The following TNS1 variants were observed in gnomAD, a reference collection of about 807,000 sequenced individuals.
TNS1 encodes the protein tensin-1.
Under a neutral mutation model 168.6 loss-of-function variants are expected in TNS1, and 62 were observed. That is an observed-to-expected ratio of 0.37 (90% CI 0.30 to 0.45). The LOEUF (loss-of-function observed/expected upper bound fraction) is 0.45. Among genes scored for constraint, TNS1 ranks in the 20% least tolerant of loss-of-function variants. The pLI, the probability that TNS1 is intolerant of heterozygous loss-of-function variation, is 1.00. For missense variants in TNS1, 2,240 were observed against 2,339.4 expected, an observed-to-expected ratio of 0.96 and a Z score of 0.88; for synonymous variants, 934 against 933.2, an observed-to-expected ratio of 1.00 and a Z score of -0.02.
intron 1 of TNS1, among the ~76,000 whole-genome samples, chr2:218,031,473 ATGAG>A (rs1400862467): frequency 1.4e-5 from 2 of 145,318 alleles, no homozygotes; most frequent in Admixed American, 1.4e-4. Flanking sequence ...GTGTGAGTGT[ATGAG>A]TGTGTGTTGT....
rs780304590 is a variant in TNS1, at chr2:217,848,495, G to A, written c.2022C>T (p.Pro674=). The change falls in exon 19 of 33, where the codon CCC becomes CCT. Residue 674 remains proline (P), a synonymous_variant. Transcript: ENST00000682258. ...PLTNGLDKSY[P]MEPMVNGGGY... ...CTCCTCCATTGACCATAGGCTCCATGGGGTAGGACTTGTCCAGACCGTTGG... is the reference window on the plus strand; with the variant it reads ...CTCCTCCATTGACCATAGGCTCCATAGGGTAGGACTTGTCCAGACCGTTGG... 1 of 1,613,160 alleles carries A rather than the reference G, an allele frequency of 6.2e-7. No homozygotes were observed.
At chr2:217,960,056 G>A (rs907947160) in intron 3 of TNS1, among the ~76,000 whole-genome samples, 3 of 151,998 alleles carry the variant, frequency 2.0e-5, no homozygotes, top group Non-Finnish European at 4.4e-5. Flanking sequence ...CTCTCAGTAG[G>A]GCCACCGCTG....
chr2:217,896,384 C>T (rs575222611), intron 8 of TNS1, among the ~76,000 whole-genome samples: 3 of 152,288 alleles, frequency 2.0e-5, no homozygotes, highest in South Asian at 4.1e-4. Context: ...ATGACATCAA[C>T]CTGGATCTAG....
intron 19 of TNS1, among the ~76,000 whole-genome samples, chr2:217,843,875 C>T (rs547388988): frequency 3.3e-5 from 5 of 152,294 alleles, no homozygotes; most frequent in Admixed American, 2.6e-4. Context: ...AAGCTTTAAC[C>T]ATCACCTTTG....
In TNS1 at chr2:217,848,213, C is replaced by T. The variant is rs3796032; in HGVS notation, c.2304G>A (p.Val768=). 0.34 allele frequency: 538,955 copies of T among 1,593,258 alleles called. 95,405 individuals carry two copies. Among genetic ancestry groups the T allele is most frequent in the African/African-American group, 0.59 (43,881 of 74,416 alleles). The part of the protein sequence containing the change: ...PVRGGSSREA[V]QRGLNSWQQQ... ...GCTGCCACGAATTCAGTCCCCTTTG[C>T]ACAGCCTCCCGGCTGCTTCCCCCTC... The change falls in exon 19 of 33, where the codon GTG becomes GTA. Residue 768 remains valine (V), a synonymous_variant. Transcript: ENST00000682258.
intron 21 of TNS1, among the ~76,000 whole-genome samples, chr2:217,832,243 C>T (rs1389614791): frequency 3.3e-5 from 5 of 152,220 alleles, no homozygotes; most frequent in African/African-American, 4.8e-5. Context: ...GCCAAGAGCA[C>T]CCACTCCCTA....
chr2:217,805,522 A>ACATAC (rs1938558012), intron 32 of TNS1, among the ~76,000 whole-genome samples: 6 of 3,110 alleles, frequency 1.9e-3, no homozygotes, highest in Admixed American at 5.4e-3. Flanking sequence ...CACACCACAC[A>ACATAC]CACCACACAC....
At chr2:217,965,779 C>T (rs1385837209) in intron 3 of TNS1, among the ~76,000 whole-genome samples, 4 of 152,188 alleles carry the variant, frequency 2.6e-5, no homozygotes, top group African/African-American at 4.8e-5. Context: ...ACAGACCCCC[C>T]GAGCTAGAAG....
At chr2:217,831,412 C>T (rs1429942956) in intron 22 of TNS1, 43 bp downstream of exon 22, 3 of 1,505,042 alleles carry the variant, frequency 2.0e-6, no homozygotes, top group South Asian at 1.3e-5. Context: ...AGGAGTCCTC[C>T]TCCCCCTGGC....
chr2:217,898,246 G>A (rs78814269), intron 7 of TNS1, among the ~76,000 whole-genome samples: 3,425 of 152,354 alleles, frequency 0.022, 142 homozygotes, highest in African/African-American at 0.078. Context: ...GTTCCCATCA[G>A]TCCTTTGGCC....
chr2:217,891,144 C>A, intron 11 of TNS1, 99 bp from the exon 12 acceptor site: 2 of 1,092,410 alleles, frequency 1.8e-6, no homozygotes, highest in East Asian at 2.4e-5. Context: ...AGCACTCTGG[C>A]CAAAGAGCAC....
chr2:217,957,864 G>A (rs1957403801), intron 3 of TNS1, among the ~76,000 whole-genome samples: 1 of 148,244 alleles, frequency 6.7e-6, no homozygotes, highest in Non-Finnish European at 1.5e-5. Context: ...AAAAAAAAAG[G>A]TGGGGAGAAG....
intron 21 of TNS1, among the ~76,000 whole-genome samples, chr2:217,832,910 C>T (rs2125300437): frequency 6.6e-6 from 1 of 152,212 alleles, no homozygotes; most frequent in African/African-American, 2.4e-5. Context: ...TCTATCCTCC[C>T]TCTGTCTTTA....
chr2:218,022,073 C>T (rs1958810736), intron 1 of TNS1, among the ~76,000 whole-genome samples: 1 of 152,146 alleles, frequency 6.6e-6, no homozygotes, highest in Non-Finnish European at 1.5e-5. Flanking sequence ...CGAGGAGGAA[C>T]AGACCTGGCC....
At position 217,810,288 on chromosome 2, in the gene TNS1, G is replaced by T; in HGVS notation, c.5064C>A (p.Gly1688=). The T allele has an allele frequency of 6.2e-7, 1 of 1,614,168 alleles. No homozygotes were observed. The part of the protein sequence containing the change: ...DPTDESKDSS[G]PANSTADLLK... ...GCAGGTCTGCAGTTGAGTTGGCAGGGCCGGAGCTATCTTTCGATTCATCTG... is the reference window on the plus strand; with the variant it reads ...GCAGGTCTGCAGTTGAGTTGGCAGGTCCGGAGCTATCTTTCGATTCATCTG... The change falls in exon 29 of 33, where the codon GGC becomes GGA. Residue 1688 remains glycine (G), a synonymous_variant. Coordinates refer to ENST00000682258, the MANE Select transcript of TNS1 (RefSeq NM_001387777.1).
intron 3 of TNS1, among the ~76,000 whole-genome samples, chr2:217,968,963 T>C (rs892777638): frequency 6.6e-6 from 1 of 152,184 alleles, no homozygotes; most frequent in Non-Finnish European, 1.5e-5. Context: ...CCTCCCAAAG[T>C]GCTGGGATTA....
At chr2:217,959,302 A>G (rs28660348) in intron 3 of TNS1, among the ~76,000 whole-genome samples, 47,016 of 152,144 alleles carry the variant, frequency 0.31, 11,715 homozygotes, top group African/African-American at 0.69. Context: ...TAGGATGGAA[A>G]CTGGTGTCTT....
At chr2:218,031,053 C>T (rs947645372) in intron 1 of TNS1, among the ~76,000 whole-genome samples, 1 of 145,182 alleles carries the variant, frequency 6.9e-6, no homozygotes, top group African/African-American at 2.6e-5. Flanking sequence ...AGCATGTGAG[C>T]ATATGTGTGA....
chr2:217,878,069 C>T (rs1234164181), intron 18 of TNS1, among the ~76,000 whole-genome samples: 1 of 152,224 alleles, frequency 6.6e-6, no homozygotes, highest in African/African-American at 2.4e-5. Flanking sequence ...GCCTGCCACT[C>T]ATCAGAAGCA....
Sources: gnomAD v4.1 joint callset for allele counts (sites outside exome capture counted in the v4.1 genomes callset) on GRCh38, gnomAD v4.1.1 for gene constraint, MANE v1.5 for transcripts, NCBI Gene and HGNC (gene_info 2026-07-23, HGNC 2026-07-21) for gene names.